The following PPP4R3B variants were observed in gnomAD, a reference collection of about 807,000 sequenced individuals.
PPP4R3B encodes the protein serine/threonine-protein phosphatase 4 regulatory subunit 3B.
A neutral mutation model predicts 95.4 loss-of-function variants in PPP4R3B; 52 were observed. The observed-to-expected ratio is 0.54, with a 90% CI of 0.44 to 0.69. The LOEUF is 0.69. Among genes scored for constraint, PPP4R3B ranks in the 30% least tolerant of loss-of-function variants. The pLI is 0.00. For synonymous variants in PPP4R3B, 407 were observed against 343.9 expected (o/e 1.18, Z -2.03); for missense variants, 1,003 against 1,005.9 (o/e 1.00, Z 0.04).
intron 11 of PPP4R3B, among the ~76,000 whole-genome samples, chr2:55,574,481 T>TCAGTGCAA (rs1688392609): frequency 6.6e-6 from 1 of 152,054 alleles, no homozygotes; most frequent in Non-Finnish European, 1.5e-5. Context: ...ACTTTTTGCC[T>TCAGTGCAA]AAAGTGGCTC....
At position 55,596,311 on chromosome 2, in the gene PPP4R3B, T is replaced by G. The variant is rs1574855933; in HGVS notation, c.921+2105A>C. 2.0e-5 allele frequency among the ~76,000 whole-genome samples: 3 copies of G among 150,796 alleles called. No individual in the cohort carries two copies. The East Asian group carries it at 5.8e-4, about 29-fold the overall frequency. ...GAGTTATTTCTAAATAGAACTAACA[T>G]CAGAATTGTTTGAATCATCAGATTC... On this transcript the variant is annotated intron_variant, in intron 4 of 16. Transcript: ENST00000616407.
intron 3 of PPP4R3B, among the ~76,000 whole-genome samples, chr2:55,600,384 C>T (rs1692379698): frequency 7.7e-6 from 1 of 130,554 alleles, no homozygotes; most frequent in Admixed American, 9.7e-5. Flanking sequence ...CGAGATCACA[C>T]CACTGCACTC....
chr2:55,617,498 C>G lies in PPP4R3B; in HGVS notation c.-213G>C, dbSNP rs1695135342. 6.2e-6 allele frequency: 3 copies of G among 480,684 alleles called. No individual in the cohort carries two copies. The South Asian group carries it at 1.2e-4, about 20-fold the overall frequency. The allele number at this position is 480,684 out of a possible 1,614,324, so 29.8% of individuals were successfully genotyped here. Reference sequence around the variant, plus strand: ...CGCCCGGAGGCCCCGTTACCTCTCACTTCACCCGCGCATACACCCACTCTC... The same window carrying G: ...CGCCCGGAGGCCCCGTTACCTCTCAGTTCACCCGCGCATACACCCACTCTC... On this transcript the variant is annotated 5_prime_UTR_variant, in exon 1 of 17. Transcript: ENST00000616407.
chr2:55,617,026 T>C, intron 1 of PPP4R3B, 118 bp downstream of exon 1: 2 of 1,252,522 alleles, frequency 1.6e-6, no homozygotes, highest in African/African-American at 1.5e-5. Context: ...CAAGAGCCAG[T>C]TCAGAACCAA....
At chr2:55,597,375 C>A (rs1373045691) in intron 4 of PPP4R3B, among the ~76,000 whole-genome samples, 3 of 152,076 alleles carry the variant, frequency 2.0e-5, no homozygotes, top group Non-Finnish European at 4.4e-5. Flanking sequence ...GTAATCCCAG[C>A]ACTTTGGGAG....
intron 2 of PPP4R3B, among the ~76,000 whole-genome samples, chr2:55,608,780 T>A (rs1693763110): frequency 6.6e-6 from 1 of 152,118 alleles, no homozygotes; most frequent in African/African-American, 2.4e-5. Context: ...GCGCAGGAGT[T>A]TGAAACCAGC....
chr2:55,617,588 C>G lies in PPP4R3B; in HGVS notation c.-303G>C. ...GCCGCGGTAACTACTACAGATCCGC[C>G]ATCTTGTAACCCGACTCTCTCTGCC... On this transcript the variant is annotated 5_prime_UTR_variant, in exon 1 of 17. An upstream start codon of the reference 5' UTR is lost. Coordinates refer to ENST00000616407, the MANE Select transcript of PPP4R3B (RefSeq NM_001122964.3). 1 of 286,640 alleles carries G rather than the reference C, an allele frequency of 3.5e-6. No individual in the cohort carries two copies. The highest frequency in any genetic ancestry group is 4.9e-5 in the Admixed American group (1 of 20,458). 17.8% of individuals were successfully genotyped at this position (286,640 alleles called of 1,614,324 possible).
intron 3 of PPP4R3B, among the ~76,000 whole-genome samples, chr2:55,599,260 A>C (rs1164731248): frequency 6.6e-6 from 1 of 152,050 alleles, no homozygotes; most frequent in Non-Finnish European, 1.5e-5. Context: ...CAACATGGTG[A>C]AACCCCAACT....
chr2:55,598,587 T>G lies in PPP4R3B; in HGVS notation c.750A>C (p.Glu250Asp). 6.2e-7 allele frequency: 1 copy of G among 1,614,234 alleles called. No individual in the cohort carries two copies. The highest frequency in any genetic ancestry group is 8.5e-7 in the Non-Finnish European group (1 of 1,180,044). Residue 250 changes from glutamate (E) to aspartate (D), a missense_variant, in exon 4 of 17, where the codon GAA (glutamate) becomes GAC (aspartate). This residue lies in a region of PPP4R3B where 695 missense variants were observed against 686.2 expected (regional missense o/e 1.01). Transcript: ENST00000616407. Reference protein sequence around the residue: ...EFLTKTAKFKEVIPITDSELR... With the variant: ...EFLTKTAKFKDVIPITDSELR... ...GTTCAGAGTCTGTTATTGGTATAACTTCCTTGAACTTTGCAGTTTTGGTCA... is the reference window on the plus strand; with the variant it reads ...GTTCAGAGTCTGTTATTGGTATAACGTCCTTGAACTTTGCAGTTTTGGTCA...
intron 11 of PPP4R3B, among the ~76,000 whole-genome samples, chr2:55,576,709 AT>A (rs1355007211): frequency 2.6e-5 from 4 of 152,260 alleles, no homozygotes; most frequent in Non-Finnish European, 5.9e-5. Context: ...CTCAAAAAAA[AT>A]AAAAAAGAAA....
intron 8 of PPP4R3B, among the ~76,000 whole-genome samples, chr2:55,580,666 T>A (rs1689331693): frequency 6.6e-6 from 1 of 152,222 alleles, no homozygotes; most frequent in Non-Finnish European, 1.5e-5. Flanking sequence ...TTTGAAAATT[T>A]GGAAAATAAT....
intron 15 of PPP4R3B, among the ~76,000 whole-genome samples, chr2:55,559,833 T>C (rs541660566): frequency 6.6e-6 from 1 of 152,146 alleles, no homozygotes; most frequent in Admixed American, 6.6e-5. Flanking sequence ...TAAAGATACC[T>C]GAAAATGGCA....
Position 55,567,992 on chromosome 2 carries a change from C to T in PPP4R3B, c.1935+202G>A, listed in dbSNP as rs188966865. 659 of 302,928 alleles carry T rather than the reference C, an allele frequency of 2.2e-3. 2 individuals carry two copies. Among genetic ancestry groups the T allele is most frequent in the Non-Finnish European group, 2.1e-3 (358 of 169,014 alleles). 18.8% of individuals were successfully genotyped at this position (302,928 alleles called of 1,614,324 possible). A position where few individuals can be genotyped will look rare whatever the true frequency, so the allele number is the denominator to read the frequency against. ...AGTGTCAAAAGTAAAAACCACTAAA[C>T]TATAACCATGTGGCAAATAAGAATT... On this transcript the variant is annotated intron_variant, in intron 13 of 16. Transcript: ENST00000616407.
At chr2:55,592,322 T>C (rs901839981) in intron 4 of PPP4R3B, among the ~76,000 whole-genome samples, 1 of 152,076 alleles carries the variant, frequency 6.6e-6, no homozygotes. Context: ...ATTAATGAGG[T>C]TTTTGTCACT....
chr2:55,573,870 T>A, intron 11 of PPP4R3B, 93 bp from the exon 12 acceptor site: 18 of 610,862 alleles, frequency 2.9e-5, no homozygotes, highest in Non-Finnish European at 3.9e-5. Context: ...TAACAAAATC[T>A]AAACTGTATT....
At chr2:55,578,468 A>G (rs2104185081) in intron 9 of PPP4R3B, 126 bp from the exon 10 acceptor site, 1 of 961,424 alleles carries the variant, frequency 1.0e-6, no homozygotes. Flanking sequence ...TAAAAAATGC[A>G]TTATTTTCAT....
chr2:55,573,379 CA>C (rs1337151914), intron 12 of PPP4R3B, among the ~76,000 whole-genome samples: 2 of 152,108 alleles, frequency 1.3e-5, no homozygotes, highest in African/African-American at 4.8e-5. Flanking sequence ...AAAATGCTGT[CA>C]CTGCACATGG....
At chr2:55,564,645 A>G in intron 14 of PPP4R3B, 148 bp from the exon 15 acceptor site, 1 of 796,662 alleles carries the variant, frequency 1.3e-6, no homozygotes, top group Non-Finnish European at 1.9e-6. Flanking sequence ...ATGATAGAAG[A>G]TGTAGCCAGA....
intron 2 of PPP4R3B, among the ~76,000 whole-genome samples, chr2:55,608,789 G>A (rs1231899080): frequency 6.6e-6 from 1 of 152,134 alleles, no homozygotes; most frequent in African/African-American, 2.4e-5. Flanking sequence ...TTTGAAACCA[G>A]CCTGGGCATC....
Sources: gnomAD v4.1 joint callset for allele counts (sites outside exome capture counted in the v4.1 genomes callset) on GRCh38, gnomAD v4.1.1 for gene constraint, gnomAD v4.1.1 regional missense constraint, MANE v1.5 for transcripts, NCBI Gene and HGNC (gene_info 2026-07-23, HGNC 2026-07-21) for gene names.